The following RBFOX1 variants were observed in gnomAD, a reference collection of about 807,000 sequenced individuals.
RBFOX1 encodes RNA binding fox-1 homolog 1.
In RBFOX1, 8 loss-of-function variants were observed where a neutral mutation model predicts 57.7. That is an observed-to-expected ratio of 0.14 (90% confidence interval 0.08 to 0.25). The LOEUF is 0.25. RBFOX1 is among the 10% of genes least tolerant of loss of function. RBFOX1 has a pLI of 1.00. For synonymous variants in RBFOX1, 326 were observed against 222.4 expected, an observed-to-expected ratio of 1.47 and a Z score of -4.15; for missense variants, 611 against 548.5, an observed-to-expected ratio of 1.11 and a Z score of -1.14.
At chr16:5,751,123 A>G (rs1296007997) in intron 3 of RBFOX1, among the ~76,000 whole-genome samples, 1 of 152,186 alleles carries the variant, frequency 6.6e-6, no homozygotes, top group East Asian at 1.9e-4. Context: ...GATTACAGGC[A>G]TGAGCCATCG....
chr16:5,948,845 C>G (rs73516242), intron 4 of RBFOX1, among the ~76,000 whole-genome samples: 2,186 of 152,280 alleles, frequency 0.014, 55 homozygotes, highest in African/African-American at 0.049. Flanking sequence ...CACTAATACA[C>G]ACTAGTAGGT....
intron 1 of RBFOX1, among the ~76,000 whole-genome samples, chr16:6,089,285 G>C (rs1474220826): frequency 6.6e-6 from 1 of 152,074 alleles, no homozygotes; most frequent in South Asian, 2.1e-4. Context: ...ATTCAGCTGA[G>C]TCTTACACAA....
At chr16:5,576,287 C>G (rs562040191) in intron 2 of RBFOX1, among the ~76,000 whole-genome samples, 1 of 152,304 alleles carries the variant, frequency 6.6e-6, no homozygotes, top group East Asian at 1.9e-4. Context: ...GCCACTACGC[C>G]TAACCAGAAG....
intron 5 of RBFOX1, among the ~76,000 whole-genome samples, chr16:7,528,665 G>T (rs970636078): frequency 8.5e-5 from 13 of 152,090 alleles, no homozygotes; most frequent in Non-Finnish European, 1.6e-4. Flanking sequence ...GTGTTTTCCA[G>T]TGAACTTAGA....
chr16:7,033,543 G>T (rs1221103414), intron 3 of RBFOX1, among the ~76,000 whole-genome samples: 1 of 152,150 alleles, frequency 6.6e-6, no homozygotes, highest in Non-Finnish European at 1.5e-5. Flanking sequence ...AATGGTGAAT[G>T]TGAACGTCCT....
intron 2 of RBFOX1, among the ~76,000 whole-genome samples, chr16:6,615,824 C>G (rs976298765): frequency 2.3e-4 from 35 of 152,184 alleles, no homozygotes; most frequent in Admixed American, 6.5e-4. Context: ...AGCCGCATTT[C>G]CCTTCTCACA....
intron 2 of RBFOX1, among the ~76,000 whole-genome samples, chr16:6,641,543 C>G (rs1270886497): frequency 1.3e-5 from 2 of 151,744 alleles, no homozygotes; most frequent in African/African-American, 4.8e-5. Context: ...AAGACAAGAC[C>G]AGGCAACAAA....
At chr16:7,498,078 G>T (rs988665767) in intron 4 of RBFOX1, among the ~76,000 whole-genome samples, 7 of 152,178 alleles carry the variant, frequency 4.6e-5, no homozygotes, top group African/African-American at 1.7e-4. Flanking sequence ...GTTATGTTCT[G>T]TTCCGAAGCA....
intron 1 of RBFOX1, among the ~76,000 whole-genome samples, chr16:6,100,454 G>T (rs1049571983): frequency 1.3e-5 from 2 of 152,202 alleles, no homozygotes; most frequent in Non-Finnish European, 2.9e-5. Flanking sequence ...GAGCCACCGC[G>T]CCCGGCCGGC....
chr16:5,242,944 C>G (rs1330673078), intron 1 of RBFOX1, among the ~76,000 whole-genome samples: 4 of 145,038 alleles, frequency 2.8e-5, no homozygotes, highest in Admixed American at 1.5e-4. Flanking sequence ...CCCTGAGTGC[C>G]AAGTCCTGCT....
intron 3 of RBFOX1, among the ~76,000 whole-genome samples, chr16:5,847,118 C>T (rs569770390): frequency 6.6e-6 from 1 of 152,302 alleles, no homozygotes; most frequent in African/African-American, 2.4e-5. Context: ...CCAGGCTGTT[C>T]TCTGGAAGTC....
chr16:5,265,270 T>A (rs1447863075), intron 1 of RBFOX1, among the ~76,000 whole-genome samples: 1 of 152,190 alleles, frequency 6.6e-6, no homozygotes, highest in Admixed American at 6.5e-5. Context: ...CCACATTCCA[T>A]GGACTCTTGA....
intron 3 of RBFOX1, among the ~76,000 whole-genome samples, chr16:6,806,817 AATATAT>A (rs1250190342): frequency 3.5e-5 from 3 of 85,136 alleles, no homozygotes; most frequent in Middle Eastern, 5.7e-3. Context: ...TAAATATATA[AATATAT>A]ATATATATAT....
intron 2 of RBFOX1, among the ~76,000 whole-genome samples, chr16:6,634,773 A>G (rs1031404989): frequency 7.7e-6 from 1 of 130,340 alleles, no homozygotes; most frequent in Non-Finnish European, 1.6e-5. Context: ...TATTTGTACT[A>G]AATATATAAT....
intron 3 of RBFOX1, among the ~76,000 whole-genome samples, chr16:7,023,885 A>G (rs1416058687): frequency 6.6e-6 from 1 of 152,166 alleles, no homozygotes; most frequent in African/African-American, 2.4e-5. Context: ...GGATCAAAGT[A>G]TATCGAGTTT....
At chr16:7,270,785 T>G (rs1244729447) in intron 4 of RBFOX1, among the ~76,000 whole-genome samples, 6 of 152,156 alleles carry the variant, frequency 3.9e-5, no homozygotes, top group African/African-American at 1.4e-4. Flanking sequence ...GCTGGCTAGC[T>G]CTCTTCTTCC....
intron 1 of RBFOX1, among the ~76,000 whole-genome samples, chr16:6,079,175 A>G (rs946373523): frequency 6.6e-6 from 1 of 151,994 alleles, no homozygotes; most frequent in Admixed American, 6.6e-5. Context: ...CAGCCGCATT[A>G]CATGCCTGTA....
intron 4 of RBFOX1, among the ~76,000 whole-genome samples, chr16:7,271,030 G>T (rs770751970): frequency 2.0e-5 from 3 of 151,960 alleles, no homozygotes; most frequent in South Asian, 2.1e-4. Flanking sequence ...TAAATTGCTG[G>T]GTAATTTAAG....
At chr16:6,338,754 C>A (rs1351996964) in intron 2 of RBFOX1, among the ~76,000 whole-genome samples, 1 of 149,846 alleles carries the variant, frequency 6.7e-6, no homozygotes, top group Non-Finnish European at 1.5e-5. Flanking sequence ...GTTTAACCAA[C>A]TTCTCAAACC....
Sources: gnomAD v4.1 joint callset for allele counts (sites outside exome capture counted in the v4.1 genomes callset) on GRCh38, gnomAD v4.1.1 for gene constraint, MANE v1.5 for transcripts, NCBI Gene and HGNC (gene_info 2026-07-23, HGNC 2026-07-21) for gene names.